The following MARK4 variants were observed in gnomAD, a reference collection of about 807,000 sequenced individuals.
The protein encoded by MARK4 is microtubule affinity regulating kinase 4.
A neutral mutation model predicts 81.5 loss-of-function variants in MARK4; 19 were observed. The ratio of observed to expected loss-of-function variants is 0.23; its 90% confidence interval spans 0.16 to 0.34. The LOEUF (loss-of-function observed/expected upper bound fraction) is 0.34. MARK4 is among the 10% of genes least tolerant of loss of function. The probability of loss-of-function intolerance (pLI) is 1.00; values close to 1 mark genes in which losing one functional copy is unlikely to be tolerated. For missense variants in MARK4, 772 were observed against 1,058.8 expected, an observed-to-expected ratio of 0.73 and a Z score of 3.76; for synonymous variants, 436 against 439.0, an observed-to-expected ratio of 0.99 and a Z score of 0.08.
intron 14 of MARK4, among the ~76,000 whole-genome samples, chr19:45,296,398 G>T (rs1177923652): frequency 6.6e-6 from 1 of 152,248 alleles, no homozygotes; most frequent in Non-Finnish European, 1.5e-5. Context: ...TGAGTTTCCA[G>T]CTCTGGGACT....
At chr19:45,286,090 A>G (rs529584767) in intron 12 of MARK4, among the ~76,000 whole-genome samples, 1 of 152,120 alleles carries the variant, frequency 6.6e-6, no homozygotes, top group South Asian at 2.1e-4. Context: ...GGAGTCTCGC[A>G]CTGTTGCCAG....
At chr19:45,263,089 C>T (rs1970400369) in intron 2 of MARK4, 24 bp from the exon 3 acceptor site, 15 of 1,594,648 alleles carry the variant, frequency 9.4e-6, no homozygotes, top group Non-Finnish European at 1.3e-5. Flanking sequence ...CTTGACCGTC[C>T]CTCCTCCTTT....
chr19:45,273,766 G>A (rs1235852160), intron 8 of MARK4, among the ~76,000 whole-genome samples: 2 of 152,242 alleles, frequency 1.3e-5, no homozygotes, highest in Non-Finnish European at 2.9e-5. Flanking sequence ...CCTGCTCTGC[G>A]TTGCCCGTGA....
intron 13 of MARK4, among the ~76,000 whole-genome samples, chr19:45,292,011 A>G (rs1315916118): frequency 1.3e-5 from 2 of 152,234 alleles, no homozygotes; most frequent in African/African-American, 4.8e-5. Context: ...CATGAATGCA[A>G]AGATTGGCAG....
intron 1 of MARK4, among the ~76,000 whole-genome samples, chr19:45,258,437 C>T (rs1228085683): frequency 6.6e-6 from 1 of 151,946 alleles, no homozygotes; most frequent in African/African-American, 2.4e-5. Context: ...GGGCTGGATG[C>T]GGTGGCTCAC....
chr19:45,301,353 C>T (rs1599808319), intron 16 of MARK4, among the ~76,000 whole-genome samples: 2 of 150,370 alleles, frequency 1.3e-5, no homozygotes, highest in Admixed American at 1.3e-4. Context: ...CACCTGAGGC[C>T]GGGAGTTTAA....
At position 45,297,694 on chromosome 19, in the gene MARK4, G is replaced by A; in HGVS notation, c.1617G>A (p.Val539=). ...CCCACAGCTCAGGCACCCCACGGGT[G>A]CCCCCTGCCTCCCCCTCCAGTCACA... The part of the protein sequence containing the change: ...GKENSSGTPR[V]PPASPSSHSL... The change falls in exon 15 of 17, where the codon GTG becomes GTA. Residue 539 remains valine, a synonymous_variant. Transcript: ENST00000262891. 6.5e-7 allele frequency: 1 copy of A among 1,529,296 alleles called. No individual in the cohort carries two copies. The highest frequency in any genetic ancestry group is 8.7e-7 in the Non-Finnish European group (1 of 1,145,928). 94.7% of individuals were successfully genotyped at this position (1,529,296 alleles called of 1,614,324 possible).
rs1599810108 is a variant in MARK4 at position 45,303,166 on chromosome 19, A to C, written c.*456A>C. 5.5e-6 allele frequency: 1 copy of C among 181,130 alleles called. No homozygotes were observed. The highest frequency in any genetic ancestry group is 1.2e-5 in the Non-Finnish European group (1 of 86,358). The allele number at this position is 181,130 out of a possible 1,614,324, so 11.2% of individuals were successfully genotyped here. A position where few individuals can be genotyped will look rare whatever the true frequency, so the allele number is the denominator to read the frequency against. ...TCCCCTCCCGTCCCCTCACGCTCAA[A>C]CCCCCACTTCCTGCCCCAGGCTGGC... On this transcript the variant is annotated 3_prime_UTR_variant, in exon 17 of 17. Transcript: ENST00000262891.
intron 12 of MARK4, among the ~76,000 whole-genome samples, chr19:45,284,311 C>G (rs544432153): frequency 1.4e-3 from 217 of 151,158 alleles, no homozygotes; most frequent in African/African-American, 4.9e-3. Context: ...CCCAGCCACT[C>G]CTAGATTTCT....
Position 45,299,864 on chromosome 19 carries a change from T to G in MARK4, c.1922+9T>G. The G allele has an allele frequency of 3.1e-6, 5 of 1,599,108 alleles. No homozygotes were observed. Among genetic ancestry groups the G allele is most frequent in the East Asian group, 2.3e-5 (1 of 44,008 alleles). On this transcript the variant is annotated intron_variant, in intron 16 of 16. Transcript: ENST00000262891. ...GGACCTGAGGTCACAAGGTGAGTGC[T>G]TGGGCCTACCCCTGACTGCCACTTC...
chr19:45,268,169 G>C (rs566922592), intron 7 of MARK4, among the ~76,000 whole-genome samples: 9 of 152,120 alleles, frequency 5.9e-5, no homozygotes, highest in Non-Finnish European at 1.3e-4. Flanking sequence ...AGGACCAGGC[G>C]CAGTCTCACA....
At position 45,253,183 on chromosome 19, in the gene MARK4, AC is replaced by A. The variant is rs202226189; in HGVS notation, c.51+1551del. ...CCCCTGTTTCCCTCACCTCCGACAG[AC>A]CCCCCCACACACACACACCATCAGA... On this transcript the variant is annotated intron_variant, in intron 1 of 16. Coordinates refer to ENST00000262891, the MANE Select transcript of MARK4 (RefSeq NM_001199867.2). 7.7e-4 allele frequency among the ~76,000 whole-genome samples: 94 copies of A among 122,538 alleles called. 1 individual carries two copies. Among genetic ancestry groups the A allele is most frequent in the African/African-American group, 2.2e-3 (71 of 32,174 alleles). The allele number at this position is 122,538 out of a possible 152,430, so 80.4% of individuals were successfully genotyped here. A position where few individuals can be genotyped will look rare whatever the true frequency, so the allele number is the denominator to read the frequency against.
intron 1 of MARK4, among the ~76,000 whole-genome samples, chr19:45,255,749 G>A (rs566210568): frequency 6.6e-6 from 1 of 152,290 alleles, no homozygotes; most frequent in South Asian, 2.1e-4. Context: ...GTCTTTCTCA[G>A]AGACTTGGGC....
At chr19:45,278,124 C>G in intron 9 of MARK4, 82 bp downstream of exon 9, 2 of 1,566,958 alleles carry the variant, frequency 1.3e-6, no homozygotes, top group Non-Finnish European at 1.7e-6. Context: ...CCACAAAAGC[C>G]TTCTTGACAC....
At chr19:45,264,975 T>C in intron 6 of MARK4, 65 bp downstream of exon 6, 1 of 1,549,866 alleles carries the variant, frequency 6.5e-7, no homozygotes, top group Admixed American at 1.7e-5. Context: ...GTCTGAGAGC[T>C]GGGCATGGTC....
At chr19:45,282,916 C>T (rs1307981279) in intron 12 of MARK4, among the ~76,000 whole-genome samples, 2 of 151,736 alleles carry the variant, frequency 1.3e-5, no homozygotes, top group African/African-American at 4.8e-5. Flanking sequence ...CACTTGAACC[C>T]AGGAGATCGA....
Position 45,297,912 on chromosome 19 carries a change from C to T in MARK4, c.1835C>T (p.Thr612Ile), listed in dbSNP as rs1487047558. The change falls in exon 15 of 17, where the codon ACC (threonine) becomes ATC (isoleucine). Residue 612 changes from threonine to isoleucine, a missense_variant. Physicochemically the swap from Thr to Ile is moderately conservative, Grantham distance 89. Around this residue, in one of 3 missense-constraint regions of MARK4, gnomAD observed 548 missense variants for 624.3 expected, o/e 0.88. Transcript: ENST00000262891. ...APLPAGRPRP[T>I]TNLFTKLTSK... ...CTGCCCGCCGGGCGGCCCCGCCCCA[C>T]CACCAACCTCTTCACCAAGCTGACC... 3 of 1,550,394 alleles carry T rather than the reference C, an allele frequency of 1.9e-6. No homozygotes were observed. The highest frequency in any genetic ancestry group is 2.6e-6 in the Non-Finnish European group (3 of 1,146,784).
In MARK4 at chr19:45,259,037, T is replaced by A; in HGVS notation, c.100T>A (p.Ser34Thr). The change falls in exon 2 of 17, where the codon TCC (serine) becomes ACC (threonine). Residue 34 changes from serine to threonine, a missense_variant. Ser to Thr is a moderately conservative substitution (Grantham distance 58). This residue lies in a region of MARK4 where 115 missense variants were observed against 139.8 expected (regional missense o/e 0.82). Coordinates refer to ENST00000262891, the MANE Select transcript of MARK4 (RefSeq NM_001199867.2). ...CTCCTCGGACAAAGGCCCGTCCTGGTCCAGCCGCTCACTGGGTGCCCGTTG... is the reference window on the plus strand; with the variant it reads ...CTCCTCGGACAAAGGCCCGTCCTGGACCAGCCGCTCACTGGGTGCCCGTTG... Reference protein sequence around the residue: ...GRSSDKGPSWSSRSLGARCRN... With the variant: ...GRSSDKGPSWTSRSLGARCRN... 1 of 1,613,680 alleles carries A rather than the reference T, an allele frequency of 6.2e-7. No individual in the cohort carries two copies. The highest frequency in any genetic ancestry group is 8.5e-7 in the Non-Finnish European group (1 of 1,180,004).
intron 12 of MARK4, among the ~76,000 whole-genome samples, chr19:45,284,349 G>A (rs12975071): frequency 0.18 from 26,393 of 147,932 alleles, 2,992 homozygotes; most frequent in Non-Finnish European, 0.26. Context: ...TGGAGGCAAA[G>A]TCTCGCTCCG....
Sources: allele counts gnomAD v4.1 joint callset (sites outside exome capture counted in the v4.1 genomes callset), GRCh38; gene constraint gnomAD v4.1.1; regional missense constraint gnomAD v4.1.1; transcripts MANE v1.5; gene names NCBI Gene and HGNC (gene_info 2026-07-23, HGNC 2026-07-21).